The following NCKAP5 variants were observed in gnomAD, a reference collection of about 807,000 sequenced individuals.
NCKAP5 encodes the protein NCK associated protein 5, also known as nck-associated protein 5.
NCKAP5 carries 92 observed loss-of-function variants against 167.0 expected under a neutral mutation model. That is an observed-to-expected ratio of 0.55 (90% CI 0.47 to 0.66). The LOEUF is 0.66. Ranked by LOEUF, NCKAP5 falls within the 30% of genes least tolerant of loss-of-function variation. The pLI is 0.00. For synonymous variants in NCKAP5, 891 were observed against 877.4 expected, an observed-to-expected ratio of 1.02 and a Z score of -0.27; for missense variants, 2,378 against 2,315.0, an observed-to-expected ratio of 1.03 and a Z score of -0.56.
chr2:133,090,534 C>T (rs1322670631), intron 6 of NCKAP5, among the ~76,000 whole-genome samples: 2 of 152,096 alleles, frequency 1.3e-5, no homozygotes, highest in Admixed American at 1.3e-4. Context: ...ATAGATTTCC[C>T]CTTCAGAGCC....
intron 3 of NCKAP5, among the ~76,000 whole-genome samples, chr2:133,363,736 A>G (rs550898794): frequency 2.0e-5 from 3 of 152,250 alleles, no homozygotes; most frequent in Non-Finnish European, 2.9e-5. Flanking sequence ...ACTCTCAAAA[A>G]TACTAGATGG....
intron 3 of NCKAP5, among the ~76,000 whole-genome samples, chr2:133,465,658 T>C (rs1305062115): frequency 6.6e-6 from 1 of 152,070 alleles, no homozygotes; most frequent in African/African-American, 2.4e-5. Flanking sequence ...TTCCACATCC[T>C]CTCCAGCACC....
At chr2:133,290,779 G>A (rs953043635) in intron 4 of NCKAP5, among the ~76,000 whole-genome samples, 3 of 142,694 alleles carry the variant, frequency 2.1e-5, no homozygotes, top group Non-Finnish European at 4.5e-5. Context: ...TTTGATACAG[G>A]GTCTTGCTCT....
intron 6 of NCKAP5, among the ~76,000 whole-genome samples, chr2:132,995,337 G>A (rs2077563044): frequency 1.3e-5 from 2 of 152,012 alleles, no homozygotes; most frequent in East Asian, 1.9e-4. Context: ...TAGTATATAA[G>A]TTTTTAAAAA....
intron 3 of NCKAP5, among the ~76,000 whole-genome samples, chr2:133,444,205 T>C (rs73957102): frequency 0.11 from 16,423 of 152,122 alleles, 1,704 homozygotes; most frequent in East Asian, 0.27. Flanking sequence ...AAGGAAGGAC[T>C]GATGTCCTCA....
chr2:133,203,325 G>A (rs1053857643), intron 5 of NCKAP5, among the ~76,000 whole-genome samples: 1 of 152,044 alleles, frequency 6.6e-6, no homozygotes, highest in Non-Finnish European at 1.5e-5. Flanking sequence ...TCACTCATAG[G>A]TGGGAACTGA....
At chr2:133,465,675 T>A (rs1346227635) in intron 3 of NCKAP5, among the ~76,000 whole-genome samples, 1 of 152,024 alleles carries the variant, frequency 6.6e-6, no homozygotes, top group Non-Finnish European at 1.5e-5. Context: ...CACCTGTTGT[T>A]TCCTGACTTT....
chr2:133,038,568 G>A (rs1030243147), intron 6 of NCKAP5, among the ~76,000 whole-genome samples: 5 of 152,076 alleles, frequency 3.3e-5, no homozygotes, highest in Non-Finnish European at 7.4e-5. Context: ...TAGCTCAACA[G>A]AAGGACTATA....
At chr2:133,073,658 G>T (rs1193386925) in intron 6 of NCKAP5, among the ~76,000 whole-genome samples, 2 of 152,106 alleles carry the variant, frequency 1.3e-5, no homozygotes, top group African/African-American at 4.8e-5. Context: ...AGAACCCAAA[G>T]TCTCTCAATG....
intron 13 of NCKAP5, among the ~76,000 whole-genome samples, chr2:132,788,160 T>G (rs1683746571): frequency 2.0e-5 from 3 of 152,038 alleles, no homozygotes; most frequent in Non-Finnish European, 4.4e-5. Flanking sequence ...GGAGTGATGG[T>G]GGGGAGGAGC....
chr2:133,426,267 C>T (rs1428999964), intron 3 of NCKAP5, among the ~76,000 whole-genome samples: 3 of 150,574 alleles, frequency 2.0e-5, no homozygotes, highest in African/African-American at 7.3e-5. Context: ...CAAACTTCAT[C>T]TCAAAAAAAA....
intron 5 of NCKAP5, among the ~76,000 whole-genome samples, chr2:133,203,712 T>C (rs1358361081): frequency 6.6e-6 from 1 of 151,924 alleles, no homozygotes; most frequent in African/African-American, 2.4e-5. Context: ...AGTCCTGGAG[T>C]CAGCAGGGGT....
At chr2:132,903,785 T>C (rs910532459) in intron 8 of NCKAP5, among the ~76,000 whole-genome samples, 1 of 152,146 alleles carries the variant, frequency 6.6e-6, no homozygotes, top group Non-Finnish European at 1.5e-5. Flanking sequence ...TCAAAACTAG[T>C]AAGAGTTTAT....
intron 3 of NCKAP5, among the ~76,000 whole-genome samples, chr2:133,488,734 G>A (rs6727895): frequency 0.017 from 2,644 of 152,046 alleles, 93 homozygotes; most frequent in African/African-American, 0.06. Context: ...CGGCCAACAC[G>A]GTGAAACCCC....
intron 6 of NCKAP5, among the ~76,000 whole-genome samples, chr2:133,025,843 C>T (rs1056345100): frequency 4.6e-5 from 7 of 152,186 alleles, no homozygotes; most frequent in African/African-American, 7.2e-5. Flanking sequence ...TTTTTAAGAT[C>T]CACAGTACAT....
chr2:133,074,800 C>G (rs1360591511), intron 6 of NCKAP5, among the ~76,000 whole-genome samples: 1 of 152,072 alleles, frequency 6.6e-6, no homozygotes. Flanking sequence ...CCAATTTAAA[C>G]AATAGACAGC....
At chr2:132,867,694 A>G (rs901150266) in intron 10 of NCKAP5, among the ~76,000 whole-genome samples, 2 of 152,174 alleles carry the variant, frequency 1.3e-5, no homozygotes, top group Admixed American at 6.6e-5. Context: ...AAATGGGGCC[A>G]CATTCCATGA....
intron 4 of NCKAP5, among the ~76,000 whole-genome samples, chr2:133,231,760 T>G (rs1485167982): frequency 1.3e-5 from 2 of 152,170 alleles, no homozygotes; most frequent in African/African-American, 4.8e-5. Context: ...AAAGTTATTC[T>G]GCACACTTAC....
intron 6 of NCKAP5, among the ~76,000 whole-genome samples, chr2:133,076,231 A>G (rs1303657857): frequency 3.9e-5 from 6 of 152,174 alleles, no homozygotes; most frequent in Non-Finnish European, 7.3e-5. Flanking sequence ...TGTACACTCT[A>G]TGGTTGGCCT....
Sources: gnomAD v4.1 joint callset for allele counts (sites outside exome capture counted in the v4.1 genomes callset) on GRCh38, gnomAD v4.1.1 for gene constraint, MANE v1.5 for transcripts, NCBI Gene and HGNC (gene_info 2026-07-23, HGNC 2026-07-21) for gene names.